The following ZNRF1 variants were observed in gnomAD, a reference collection of about 807,000 sequenced individuals.
ZNRF1 encodes the protein E3 ubiquitin-protein ligase ZNRF1.
In ZNRF1, 3 loss-of-function variants were observed where a neutral mutation model predicts 18.4. That is an observed-to-expected ratio of 0.16 (90% CI 0.07 to 0.42). The LOEUF is 0.42. ZNRF1 is among the 10% of genes least tolerant of loss of function. The pLI, the probability that ZNRF1 is intolerant of heterozygous loss-of-function variation, is 0.99. For missense variants in ZNRF1, 310 were observed against 329.8 expected (o/e 0.94, Z 0.47); for synonymous variants, 157 against 144.2 (o/e 1.09, Z -0.64).
At chr16:75,082,230 T>C (rs1210780058) in intron 1 of ZNRF1, among the ~76,000 whole-genome samples, 1 of 152,200 alleles carries the variant, frequency 6.6e-6, no homozygotes, top group Non-Finnish European at 1.5e-5. Context: ...TGGACCATCA[T>C]GTCCCGGTCC....
intron 1 of ZNRF1, among the ~76,000 whole-genome samples, chr16:75,057,665 T>C (rs749516644): frequency 9.2e-5 from 14 of 152,212 alleles, no homozygotes; most frequent in Non-Finnish European, 1.6e-4. Context: ...TTTGAGAGTC[T>C]CACTCTGTCA....
intron 1 of ZNRF1, among the ~76,000 whole-genome samples, chr16:75,018,462 G>A (rs559625955): frequency 2.6e-5 from 4 of 152,018 alleles, no homozygotes; most frequent in Admixed American, 6.6e-5. Flanking sequence ...AGTAAAAATC[G>A]TATTAGAATC....
chr16:75,010,784 C>G (rs902562937), intron 1 of ZNRF1, among the ~76,000 whole-genome samples: 4 of 144,998 alleles, frequency 2.8e-5, no homozygotes, highest in African/African-American at 1.0e-4. Flanking sequence ...GATCTCCACT[C>G]ACTGCAACCT....
intron 1 of ZNRF1, among the ~76,000 whole-genome samples, chr16:75,056,245 A>G (rs1055474508): frequency 1.3e-5 from 2 of 152,236 alleles, no homozygotes; most frequent in African/African-American, 4.8e-5. Context: ...GATCAGTTTC[A>G]TTCTATTCAG....
chr16:75,091,963 T>C (rs937175774), intron 1 of ZNRF1, among the ~76,000 whole-genome samples: 7 of 152,120 alleles, frequency 4.6e-5, no homozygotes, highest in African/African-American at 1.7e-4. Context: ...TTATATACTG[T>C]ATTACAATAA....
intron 1 of ZNRF1, among the ~76,000 whole-genome samples, chr16:75,060,178 C>T (rs549599767): frequency 5.9e-4 from 89 of 151,856 alleles, no homozygotes; most frequent in African/African-American, 2.0e-3. Flanking sequence ...CTCAGCCTCC[C>T]GAGTAGCTGG....
rs1407872606 is a variant in ZNRF1, at chr16:75,109,824, C to T, written c.*2124C>T. 1 of 152,306 alleles carries T rather than the reference C, an allele frequency of 6.6e-6. No homozygotes were observed. The highest frequency in any genetic ancestry group is 1.5e-5 in the Non-Finnish European group (1 of 68,108). The allele number at this position is 152,306 out of a possible 1,614,324, so 9.4% of individuals were successfully genotyped here. A position where few individuals can be genotyped will look rare whatever the true frequency, so the allele number is the denominator to read the frequency against. ...GTCTTGGCACATGCACAGCAGGCTC[C>T]CCATAGCTTTGTCACCACAAAGGGC... On this transcript the variant is annotated 3_prime_UTR_variant, in exon 5 of 5. Transcript: ENST00000335325.
chr16:75,073,886 T>C (rs967852343), intron 1 of ZNRF1, among the ~76,000 whole-genome samples: 26 of 152,078 alleles, frequency 1.7e-4, no homozygotes, highest in African/African-American at 5.8e-4. Flanking sequence ...AACTTTCCGG[T>C]TCACTTCTGA....
chr16:75,016,189 C>A (rs1243956888), intron 1 of ZNRF1, among the ~76,000 whole-genome samples: 1 of 152,026 alleles, frequency 6.6e-6, no homozygotes, highest in African/African-American at 2.4e-5. Flanking sequence ...TCCCAAAGTG[C>A]TGGGATTACA....
rs374451771 is a variant in ZNRF1, at chr16:75,073,118, A to ATCTCTC, written c.425-20424_425-20419dup. ...AACCTGGGTAACATAGTGAGACCCC[A>ATCTCTC]TCTCTCTCTCTCTCTCTCTCTCTCT... On this transcript the variant is annotated intron_variant, in intron 1 of 4. Transcript: ENST00000335325. Among the ~76,000 whole-genome samples, 144 of 128,414 alleles carry ATCTCTC rather than the reference A, an allele frequency of 1.1e-3. 2 individuals are homozygous for ATCTCTC. Among genetic ancestry groups the ATCTCTC allele is most frequent in the African/African-American group, 4.0e-3 (132 of 33,236 alleles). 84.2% of individuals were successfully genotyped at this position (128,414 alleles called of 152,430 possible). A position where few individuals can be genotyped will look rare whatever the true frequency, so the allele number is the denominator to read the frequency against.
intron 1 of ZNRF1, among the ~76,000 whole-genome samples, chr16:75,073,012 A>G (rs1372263238): frequency 6.6e-6 from 1 of 152,170 alleles, no homozygotes; most frequent in Non-Finnish European, 1.5e-5. Context: ...GGGGCCAGGC[A>G]GGTACAGTAG....
intron 1 of ZNRF1, among the ~76,000 whole-genome samples, chr16:75,040,122 G>A (rs568208099): frequency 8.4e-5 from 11 of 130,564 alleles, no homozygotes; most frequent in African/African-American, 1.2e-4. Context: ...ATAGCTCACC[G>A]CAGCCTTGAC....
At position 75,108,532 on chromosome 16, in the gene ZNRF1, T is replaced by G. The variant is rs964001337; in HGVS notation, c.*832T>G. On this transcript the variant is annotated 3_prime_UTR_variant, in exon 5 of 5. Transcript: ENST00000335325. Reference sequence around the variant, plus strand: ...TTTTCAGGCACTATGTTTGAGAACATTTTAGCCATTGATGTTCACACGTGG... The same window carrying G: ...TTTTCAGGCACTATGTTTGAGAACAGTTTAGCCATTGATGTTCACACGTGG... The G allele has an allele frequency of 5.0e-6, 2 of 398,836 alleles. No homozygotes were observed. Among genetic ancestry groups the G allele is most frequent in the South Asian group, 1.3e-4 (1 of 7,854 alleles). The allele number at this position is 398,836 out of a possible 1,614,324, so 24.7% of individuals were successfully genotyped here.
Position 75,103,155 on chromosome 16 carries a change from G to A in ZNRF1, c.521-1629G>A, listed in dbSNP as rs931592899. 8.5e-5 allele frequency among the ~76,000 whole-genome samples: 13 copies of A among 152,270 alleles called. No individual in the cohort carries two copies. In the East Asian group the frequency reaches 1.2e-3, roughly 14 times the overall value. The stretch of plus-strand genomic sequence containing the variant: ...CTAGTCTGTGAGCTGCTTGAATCCC[G>A]AGATCATGGCTATTCACTGTCGCCG... On this transcript the variant is annotated intron_variant, in intron 2 of 4. Coordinates refer to ENST00000335325, the MANE Select transcript of ZNRF1 (RefSeq NM_032268.5).
chr16:75,029,050 A>G (rs1191966976), intron 1 of ZNRF1, among the ~76,000 whole-genome samples: 1 of 148,252 alleles, frequency 6.7e-6, no homozygotes, highest in Non-Finnish European at 1.5e-5. Flanking sequence ...TGTGTATGCT[A>G]CATGTCCAGC....
At chr16:75,018,041 A>G (rs955749109) in intron 1 of ZNRF1, among the ~76,000 whole-genome samples, 4 of 152,222 alleles carry the variant, frequency 2.6e-5, no homozygotes, top group African/African-American at 9.6e-5. Flanking sequence ...AGTGAAGCTA[A>G]CAATAATAAC....
At chr16:75,029,427 C>T (rs1221693321) in intron 1 of ZNRF1, among the ~76,000 whole-genome samples, 5 of 152,080 alleles carry the variant, frequency 3.3e-5, no homozygotes, top group African/African-American at 1.2e-4. Context: ...GGATTACAGG[C>T]ATGAGCCACC....
intron 1 of ZNRF1, among the ~76,000 whole-genome samples, chr16:75,028,669 C>G (rs2035257087): frequency 6.6e-6 from 1 of 152,248 alleles, no homozygotes; most frequent in Non-Finnish European, 1.5e-5. Flanking sequence ...TTCTTCCATC[C>G]TCCTTGAATC....
intron 1 of ZNRF1, among the ~76,000 whole-genome samples, chr16:75,092,851 A>G (rs1167178941): frequency 1.3e-5 from 2 of 152,166 alleles, no homozygotes; most frequent in African/African-American, 2.4e-5. Context: ...TCCCAGGGTG[A>G]TCCAACCAAG....
Sources: gnomAD v4.1 joint callset for allele counts (sites outside exome capture counted in the v4.1 genomes callset) on GRCh38, gnomAD v4.1.1 for gene constraint, MANE v1.5 for transcripts, NCBI Gene and HGNC (gene_info 2026-07-23, HGNC 2026-07-21) for gene names.